The following TAS2R1 variants were observed in gnomAD, a reference collection of about 807,000 sequenced individuals.
The protein encoded by TAS2R1 is taste receptor type 2 member 1.
For synonymous variants in TAS2R1, 141 were observed against 134.2 expected (o/e 1.05, Z -0.35); for missense variants, 370 against 353.4 (o/e 1.05, Z -0.38).
the TAS2R1 span, among the ~76,000 whole-genome samples, chr5:9,843,746 T>C: frequency 6.6e-6 from 1 of 152,218 alleles, no homozygotes; most frequent in African/African-American, 2.4e-5. Context: ...ATGACCCCAG[T>C]AGCACAGGAA....
chr5:9,747,812 C>G, the TAS2R1 span, among the ~76,000 whole-genome samples: 1 of 146,146 alleles, frequency 6.8e-6, no homozygotes, highest in South Asian at 2.2e-4. Context: ...AGATTTGTAA[C>G]TTTTTTTTTT....
chr5:9,770,742 T>A, the TAS2R1 span, among the ~76,000 whole-genome samples: 2 of 152,332 alleles, frequency 1.3e-5, no homozygotes, highest in Admixed American at 6.5e-5. Flanking sequence ...TTTTTGTATG[T>A]TACTTTTGTA....
At chr5:9,877,508 T>C in the TAS2R1 span, among the ~76,000 whole-genome samples, 36 of 152,350 alleles carry the variant, frequency 2.4e-4, no homozygotes, top group South Asian at 6.4e-3. Flanking sequence ...TCACCAAAGG[T>C]ACTCAAATAC....
At chr5:9,669,561 C>G (rs1012171700) in intron 1 of TAS2R1, among the ~76,000 whole-genome samples, 19 of 152,122 alleles carry the variant, frequency 1.2e-4, no homozygotes, top group African/African-American at 4.6e-4. Flanking sequence ...ACCAAACACA[C>G]TCTCAGACCA....
the TAS2R1 span, among the ~76,000 whole-genome samples, chr5:9,828,259 G>GAGATT: frequency 2.6e-5 from 4 of 152,148 alleles, no homozygotes; most frequent in Non-Finnish European, 4.4e-5. Context: ...CTGAGTAGCT[G>GAGATT]AGATTACAGG....
At chr5:9,828,459 A>G in the TAS2R1 span, among the ~76,000 whole-genome samples, 43,203 of 151,936 alleles carry the variant, frequency 0.28, 6,870 homozygotes, top group Non-Finnish European at 0.37. Context: ...ACTGAGGCCC[A>G]GGAATTACGG....
chr5:9,829,857 A>G, the TAS2R1 span, among the ~76,000 whole-genome samples: 21 of 152,186 alleles, frequency 1.4e-4, no homozygotes, highest in African/African-American at 5.1e-4. Flanking sequence ...AAGCTTCAGA[A>G]GAAAAAAAAG....
intron 2 of TAS2R1, among the ~76,000 whole-genome samples, chr5:9,636,764 G>A (rs576698596): frequency 3.9e-5 from 6 of 151,982 alleles, no homozygotes; most frequent in Middle Eastern, 3.4e-3. Flanking sequence ...TGCTTTTGGC[G>A]TCCATTTGCA....
At chr5:9,789,565 G>A in the TAS2R1 span, among the ~76,000 whole-genome samples, 1 of 152,170 alleles carries the variant, frequency 6.6e-6, no homozygotes, top group Non-Finnish European at 1.5e-5. Context: ...AAATGACTGA[G>A]AAAAAATGTG....
rs1200513335 is a variant in TAS2R1, at chr5:9,630,204, T to C, written c.-172A>G. 5.8e-6 allele frequency: 3 copies of C among 519,154 alleles called. No homozygotes were observed. Among genetic ancestry groups the C allele is most frequent in the African/African-American group, 3.9e-5 (2 of 51,826 alleles). The allele number at this position is 519,154 out of a possible 1,614,324, so 32.2% of individuals were successfully genotyped here. A position where few individuals can be genotyped will look rare whatever the true frequency, so the allele number is the denominator to read the frequency against. ...TTTGTTTATGTCACTGCTTTCTCTATTTAGTTCTGAGACAGTCAAATAAGG... is the reference window on the plus strand; with the variant it reads ...TTTGTTTATGTCACTGCTTTCTCTACTTAGTTCTGAGACAGTCAAATAAGG... On this transcript the variant is annotated 5_prime_UTR_variant, in exon 1 of 1. Coordinates refer to ENST00000382492, the MANE Select transcript of TAS2R1 (RefSeq NM_019599.3).
In TAS2R1 at chr5:9,695,638, T is replaced by C. The variant is rs79274893; in HGVS notation, c.-242+16534A>G. ...AGTCCAGAGACCCAAACTTGGAGAA[T>C]TGCCAGGTCTCCACGACTCTACCCC... On this transcript the variant is annotated intron_variant, in intron 1 of 2. Transcript: ENST00000506620. Among the ~76,000 whole-genome samples, 213 of 152,130 alleles carry C rather than the reference T, an allele frequency of 1.4e-3. 2 individuals carry two copies. The highest frequency in any genetic ancestry group is 4.7e-3 in the African/African-American group (196 of 41,490).
upstream of TAS2R1, among the ~76,000 whole-genome samples, chr5:9,631,209 G>A (rs111567200): frequency 6.6e-6 from 1 of 152,110 alleles, no homozygotes; most frequent in Non-Finnish European, 1.5e-5. Flanking sequence ...AAGGCAGAAT[G>A]AGCCACATAT....
At chr5:9,713,820 G>T (rs1346539199), upstream of TAS2R1, 2 of 152,144 alleles carry the variant, frequency 1.3e-5, no homozygotes, top group African/African-American at 4.8e-5. Flanking sequence ...CTAAATGTCT[G>T]TTTCAGCTAA....
At chr5:9,882,129 C>T in the TAS2R1 span, among the ~76,000 whole-genome samples, 1 of 152,022 alleles carries the variant, frequency 6.6e-6, no homozygotes, top group South Asian at 2.1e-4. Context: ...GTCTAATGTC[C>T]AGAATGTACA....
the TAS2R1 span, among the ~76,000 whole-genome samples, chr5:9,758,363 A>G: frequency 2.6e-5 from 4 of 152,218 alleles, no homozygotes; most frequent in Non-Finnish European, 5.9e-5. Context: ...TACAGAATTT[A>G]CAGCTTCAGT....
chr5:9,782,014 T>C, the TAS2R1 span, among the ~76,000 whole-genome samples: 3 of 152,366 alleles, frequency 2.0e-5, no homozygotes, highest in East Asian at 1.9e-4. Context: ...GCACATAGAA[T>C]AGCATCTGGC....
At chr5:9,876,708 T>G in the TAS2R1 span, among the ~76,000 whole-genome samples, 1 of 152,178 alleles carries the variant, frequency 6.6e-6, no homozygotes, top group Non-Finnish European at 1.5e-5. Flanking sequence ...ATCGTAACAT[T>G]ATAATGACTT....
the TAS2R1 span, among the ~76,000 whole-genome samples, chr5:9,765,073 CACAA>C: frequency 6.6e-6 from 1 of 152,128 alleles, no homozygotes; most frequent in Admixed American, 6.5e-5. Flanking sequence ...TATACACACA[CACAA>C]ACACACACAT....
chr5:9,780,049 A>G, the TAS2R1 span, among the ~76,000 whole-genome samples: 1 of 152,190 alleles, frequency 6.6e-6, no homozygotes, highest in African/African-American at 2.4e-5. Context: ...GTTCAAAGAC[A>G]TTGTCCAGCA....
Sources: allele counts gnomAD v4.1 joint callset (sites outside exome capture counted in the v4.1 genomes callset), GRCh38; gene constraint gnomAD v4.1.1; transcripts MANE v1.5; gene names NCBI Gene and HGNC (gene_info 2026-07-23, HGNC 2026-07-21).